The following SLCO1B1 variants were observed in gnomAD, a reference collection of about 807,000 sequenced individuals.
The protein encoded by SLCO1B1 is OATP-2.
A neutral mutation model predicts 70.1 loss-of-function variants in SLCO1B1; 81 were observed. The ratio of observed to expected loss-of-function variants is 1.16; its 90% CI spans 0.97 to 1.39. The LOEUF (loss-of-function observed/expected upper bound fraction) is 1.39. SLCO1B1 is among the 40% of genes most tolerant of loss of function. The pLI is 0.00. For missense variants in SLCO1B1, 895 were observed against 799.6 expected (o/e 1.12, Z -1.44); for synonymous variants, 283 against 271.5 (o/e 1.04, Z -0.42).
chr12:21,172,841 A>G lies in SLCO1B1; in HGVS notation c.226+50A>G, dbSNP rs761486574. On this transcript the variant is annotated intron_variant, in intron 3 of 14. Transcript: ENST00000256958. ...AACCAAACTTGCAAAGTTAAAAAAT[A>G]TATATGCTTTACACCACTGGTTATC... 8 of 1,530,468 alleles carry G rather than the reference A, an allele frequency of 5.2e-6. No individual in the cohort carries two copies. In the Admixed American group the frequency reaches 1.2e-4, roughly 24 times the overall value. The allele number at this position is 1,530,468 out of a possible 1,614,324, so 94.8% of individuals were successfully genotyped here. A position where few individuals can be genotyped will look rare whatever the true frequency, so the allele number is the denominator to read the frequency against.
intron 14 of SLCO1B1, among the ~76,000 whole-genome samples, chr12:21,226,428 A>T (rs1004145648): frequency 6.6e-6 from 1 of 151,902 alleles, no homozygotes; most frequent in African/African-American, 2.4e-5. Flanking sequence ...AAAGAAAAAA[A>T]AAGAACATTA....
At chr12:21,211,403 G>A (rs1941282773) in intron 11 of SLCO1B1, among the ~76,000 whole-genome samples, 1 of 152,208 alleles carries the variant, frequency 6.6e-6, no homozygotes, top group African/African-American at 2.4e-5. Flanking sequence ...GCATCCCAGG[G>A]ATGAAGCCCA....
At chr12:21,134,387 G>A (rs1940186131) in intron 1 of SLCO1B1, among the ~76,000 whole-genome samples, 1 of 152,244 alleles carries the variant, frequency 6.6e-6, no homozygotes, top group Non-Finnish European at 1.5e-5. Context: ...TCTATTGATT[G>A]GAATAGTTTC....
chr12:21,150,326 A>G (rs2121057509), intron 2 of SLCO1B1, among the ~76,000 whole-genome samples: 1 of 152,246 alleles, frequency 6.6e-6, no homozygotes, highest in East Asian at 1.9e-4. Context: ...ATCTCCTAGC[A>G]CCATTCTCAA....
At chr12:21,195,352 A>G (rs1479295516) in intron 7 of SLCO1B1, among the ~76,000 whole-genome samples, 1 of 152,194 alleles carries the variant, frequency 6.6e-6, no homozygotes, top group Non-Finnish European at 1.5e-5. Flanking sequence ...AAAATTTTGA[A>G]TATTTCACAT....
chr12:21,174,804 A>G, intron 4 of SLCO1B1, 95 bp downstream of exon 4: 2 of 1,272,334 alleles, frequency 1.6e-6, no homozygotes, highest in African/African-American at 1.5e-5. Context: ...ATAGGCAGTT[A>G]CCTTTTGAGA....
chr12:21,173,867 C>T (rs566359338), intron 3 of SLCO1B1, among the ~76,000 whole-genome samples: 2 of 150,346 alleles, frequency 1.3e-5, no homozygotes, highest in African/African-American at 4.9e-5. Flanking sequence ...CTGCCTTTCT[C>T]CTGCTTCATC....
In SLCO1B1 at chr12:21,222,372, GAAAAAAAAAA is replaced by G. The variant is rs4149102; in HGVS notation, c.1747+25_1747+34del. 5.2e-4 allele frequency: 13 copies of G among 24,954 alleles called. No homozygotes were observed. The highest frequency in any genetic ancestry group is 2.8e-3 in the African/African-American group (9 of 3,256). 1.5% of individuals were successfully genotyped at this position (24,954 alleles called of 1,614,324 possible). On this transcript the variant is annotated intron_variant, in intron 13 of 14. Coordinates refer to ENST00000256958, the MANE Select transcript of SLCO1B1 (RefSeq NM_006446.5). ...TGGTTATACGAGCACTAGGTATGAT[GAAAAAAAAAA>G]AAAAAAAAAAAAAAAATATATATAT...
Position 21,217,320 on chromosome 12 carries a change from A to G in SLCO1B1, c.1682+17A>G. ...GATTGTTAAGTAAGTATGACTTTTA[A>G]AAACATTTTCATATGCATGAGACTA... On this transcript the variant is annotated intron_variant, in intron 12 of 14. Transcript: ENST00000256958. 6.2e-7 allele frequency: 1 copy of G among 1,606,164 alleles called. No homozygotes were observed. Among genetic ancestry groups the G allele is most frequent in the South Asian group, 1.1e-5 (1 of 90,958 alleles).
intron 2 of SLCO1B1, among the ~76,000 whole-genome samples, chr12:21,170,791 A>C (rs1423263480): frequency 6.6e-6 from 1 of 152,208 alleles, no homozygotes; most frequent in Non-Finnish European, 1.5e-5. Flanking sequence ...TTTTATCTTC[A>C]TTGATAGCAT....
Position 21,202,683 on chromosome 12 carries a change from A to G in SLCO1B1, c.1328A>G (p.Asp443Gly). The G allele has an allele frequency of 6.2e-7, 1 of 1,607,190 alleles. No individual in the cohort carries two copies. The highest frequency in any genetic ancestry group is 8.5e-7 in the Non-Finnish European group (1 of 1,175,034). Reference sequence around the variant, plus strand: ...GTTGCCGGACTAACCATGACCTATGATGGGTTTGTATATATCACTATATCA... The same window carrying G: ...GTTGCCGGACTAACCATGACCTATGGTGGGTTTGTATATATCACTATATCA... ...KSVAGLTMTY[D>G]GNNPVTSHRD... Residue 443 changes from aspartate (D) to glycine (G), a missense_variant, in exon 10 of 15, where the codon GAT (aspartate) becomes GGT (glycine). By Grantham distance (94) the Asp-to-Gly change is moderately conservative. Transcript: ENST00000256958.
At chr12:21,211,704 G>C (rs1375124646) in intron 11 of SLCO1B1, among the ~76,000 whole-genome samples, 2 of 152,142 alleles carry the variant, frequency 1.3e-5, no homozygotes, top group Non-Finnish European at 2.9e-5. Flanking sequence ...ACTCTTTTTG[G>C]TTGGTAAGCT....
chr12:21,132,654 A>G (rs963643897), intron 1 of SLCO1B1, among the ~76,000 whole-genome samples: 23 of 152,224 alleles, frequency 1.5e-4, no homozygotes, highest in African/African-American at 4.3e-4. Flanking sequence ...GTGTCTGTTC[A>G]TGTCCTTCAC....
Position 21,188,755 on chromosome 12 carries a change from T to C in SLCO1B1, c.728-8191T>C, listed in dbSNP as rs1591814140. Among the ~76,000 whole-genome samples the C allele has an allele frequency of 2.0e-5, 3 of 152,268 alleles. No homozygotes were observed. The South Asian group carries it at 6.2e-4, about 32-fold the overall frequency. ...TGCATAACTGAAACTTTATACCCATTGACTAACAACTCCCTGCTTCCCCTT... is the reference window on the plus strand; with the variant it reads ...TGCATAACTGAAACTTTATACCCATCGACTAACAACTCCCTGCTTCCCCTT... On this transcript the variant is annotated intron_variant, in intron 7 of 14. Transcript: ENST00000256958.
In SLCO1B1 at chr12:21,161,340, C is replaced by A. The variant is rs897101507; in HGVS notation, c.85-11310C>A. On this transcript the variant is annotated intron_variant, in intron 2 of 14. Coordinates refer to ENST00000256958, the MANE Select transcript of SLCO1B1 (RefSeq NM_006446.5). The stretch of plus-strand genomic sequence containing the variant: ...GGAATACTATGCAGCCATAAAAGAA[C>A]AAGATCATGTCTTTTGTGGAAACAT... Among the ~76,000 whole-genome samples the A allele has an allele frequency of 1.3e-5, 2 of 152,062 alleles. 1 individual carries two copies. The highest frequency in any genetic ancestry group is 1.3e-4 in the Admixed American group (2 of 15,264).
chr12:21,202,640 C>A lies in SLCO1B1; in HGVS notation c.1285C>A (p.Leu429Ile). 1 of 1,612,738 alleles carries A rather than the reference C, an allele frequency of 6.2e-7. No homozygotes were observed. Among genetic ancestry groups the A allele is most frequent in the South Asian group, 1.1e-5 (1 of 91,058 alleles). ...CTTTTACCTATTATATTTTTTCATACTCTGTGAAAACAAATCAGTTGCCGG... is the reference window on the plus strand; with the variant it reads ...CTTTTACCTATTATATTTTTTCATAATCTGTGAAAACAAATCAGTTGCCGG... ...LSFYLLYFFI[L>I]CENKSVAGLT... Residue 429 changes from leucine to isoleucine, a missense_variant, in exon 10 of 15, where the codon CTC (leucine) becomes ATC (isoleucine). Physicochemically the swap from Leu to Ile is conservative, Grantham distance 5 (BLOSUM62 2). Coordinates refer to ENST00000256958, the MANE Select transcript of SLCO1B1 (RefSeq NM_006446.5).
chr12:21,227,297 T>C (rs1450449985), intron 14 of SLCO1B1, among the ~76,000 whole-genome samples: 1 of 152,066 alleles, frequency 6.6e-6, no homozygotes, highest in Non-Finnish European at 1.5e-5. Context: ...TTTACTAATA[T>C]GGAACCTTCT....
rs141205124 is a variant in SLCO1B1 at position 21,228,298 on chromosome 12, TAAAAG to T, written c.1865+3463_1865+3467del. On this transcript the variant is annotated intron_variant, in intron 14 of 14. Transcript: ENST00000256958. ...AGGAACTTTAGTTCAACTGTATACT[TAAAAG>T]AAATGTACAAGGTATAGAATTCTAA... Among the ~76,000 whole-genome samples, 1,513 of 152,310 alleles carry T rather than the reference TAAAAG, an allele frequency of 9.9e-3. 40 individuals carry two copies. The highest frequency in any genetic ancestry group is 0.035 in the African/African-American group (1,459 of 41,558).
chr12:21,142,640 C>G (rs909037933), intron 2 of SLCO1B1, among the ~76,000 whole-genome samples: 1 of 151,898 alleles, frequency 6.6e-6, no homozygotes, highest in Non-Finnish European at 1.5e-5. Flanking sequence ...ACTGATAAAG[C>G]CTTCTCTGAT....
Sources: allele counts gnomAD v4.1 joint callset (sites outside exome capture counted in the v4.1 genomes callset), GRCh38; gene constraint gnomAD v4.1.1; transcripts MANE v1.5; gene names NCBI Gene and HGNC (gene_info 2026-07-23, HGNC 2026-07-21).